The following MSH3 variants were observed in gnomAD, a reference collection of about 807,000 sequenced individuals.
MSH3 encodes DNA mismatch repair protein Msh3.
MSH3 carries 106 observed loss-of-function variants against 123.3 expected under a neutral mutation model. That is an observed-to-expected ratio of 0.86 (90% CI 0.73 to 1.01). MSH3 has a LOEUF of 1.01. MSH3 is among the 50% of genes least tolerant of loss of function. MSH3 has a pLI of 0.00. For missense variants in MSH3, 1,459 were observed against 1,347.6 expected, an observed-to-expected ratio of 1.08 and a Z score of -1.29; for synonymous variants, 515 against 481.4, an observed-to-expected ratio of 1.07 and a Z score of -0.91.
intron 8 of MSH3, among the ~76,000 whole-genome samples, chr5:80,688,424 T>C (rs1750141429): frequency 6.6e-6 from 1 of 152,244 alleles, no homozygotes; most frequent in Admixed American, 6.5e-5. Flanking sequence ...TGATTCTTTA[T>C]GCGGAGGCAT....
chr5:80,756,777 A>C (rs144379030), intron 12 of MSH3, among the ~76,000 whole-genome samples: 2 of 152,356 alleles, frequency 1.3e-5, no homozygotes, highest in African/African-American at 4.8e-5. Flanking sequence ...TTGTACAATT[A>C]GTACTTTGTA....
In MSH3 at chr5:80,761,576, G is replaced by A. The variant is rs61753791; in HGVS notation, c.1794G>A (p.Ser598=). ...TAAATGCCCGGCTTGATGCTGTATC[G>A]GAAGTTCTCCATTCAGAATCTAGTG... The part of the protein sequence containing the change: ...REINARLDAV[S]EVLHSESSVF... Residue 598 remains serine (S), a synonymous_variant, in exon 13 of 24, where the codon TCG becomes TCA. Transcript: ENST00000265081. The A allele has an allele frequency of 2.0e-3, 3,214 of 1,613,886 alleles. 5 individuals carry two copies. The highest frequency in any genetic ancestry group is 2.6e-3 in the Non-Finnish European group (3,013 of 1,179,924).
chr5:80,753,755 T>TG (rs1257966266), intron 12 of MSH3, among the ~76,000 whole-genome samples: 2 of 152,108 alleles, frequency 1.3e-5, no homozygotes, highest in Non-Finnish European at 2.9e-5. Context: ...TCTCATCACA[T>TG]AGGCAGTTAG....
chr5:80,728,997 G>A, intron 10 of MSH3, 32 bp downstream of exon 10: 1 of 1,198,076 alleles, frequency 8.3e-7, no homozygotes, highest in Admixed American at 1.7e-5. Flanking sequence ...AAAAAAAGGG[G>A]GAGCTTATAT....
intron 19 of MSH3, among the ~76,000 whole-genome samples, chr5:80,805,354 A>G (rs141551252): frequency 6.6e-6 from 1 of 152,298 alleles, no homozygotes; most frequent in African/African-American, 2.4e-5. Flanking sequence ...CCATACACTT[A>G]AGTCTTCTTA....
intron 9 of MSH3, among the ~76,000 whole-genome samples, chr5:80,726,678 A>C (rs1038480243): frequency 2.0e-5 from 3 of 152,076 alleles, no homozygotes; most frequent in African/African-American, 7.2e-5. Flanking sequence ...CATGTTGCCT[A>C]GGCTGGTCTT....
intron 15 of MSH3, among the ~76,000 whole-genome samples, chr5:80,773,191 T>G (rs1373549212): frequency 1.3e-5 from 2 of 152,224 alleles, no homozygotes; most frequent in Admixed American, 6.5e-5. Flanking sequence ...ATCAGTCTGT[T>G]CCTGAATTTT....
chr5:80,828,306 C>G (rs1465914719), intron 20 of MSH3, among the ~76,000 whole-genome samples: 5 of 152,086 alleles, frequency 3.3e-5, no homozygotes, highest in Non-Finnish European at 7.4e-5. Flanking sequence ...CTATGATAAC[C>G]CATTGATTCA....
At chr5:80,687,012 A>C (rs1750107198) in intron 8 of MSH3, among the ~76,000 whole-genome samples, 1 of 152,182 alleles carries the variant, frequency 6.6e-6, no homozygotes, top group African/African-American at 2.4e-5. Flanking sequence ...AATGGTTACT[A>C]AAATCTTCAC....
intron 16 of MSH3, among the ~76,000 whole-genome samples, chr5:80,777,814 ACCTTT>A (rs1744331515): frequency 1.3e-5 from 2 of 152,094 alleles, no homozygotes; most frequent in African/African-American, 4.8e-5. Flanking sequence ...AGACACCTTG[ACCTTT>A]TCTTCTTGAA....
Position 80,665,362 on chromosome 5 carries a change from A to G in MSH3, c.578A>G (p.Lys193Arg). The change falls in exon 3 of 24, where the codon AAG becomes AGG. Residue 193 changes from lysine (K) to arginine (R), a missense_variant and splice_region_variant. By Grantham distance (26) the Lys-to-Arg change is conservative. Transcript: ENST00000265081. The part of the protein sequence containing the change: ...SEDSKRQINQ[K>R]DTTLFDLSQF... ...GATTCGAAACGTCAAATTAATCAAA[A>G]GGTATGTAACTGCTATAGATGAGTA... The G allele has an allele frequency of 6.2e-7, 1 of 1,609,524 alleles. No individual in the cohort carries two copies. Among genetic ancestry groups the G allele is most frequent in the South Asian group, 1.1e-5 (1 of 90,774 alleles).
At chr5:80,759,132 T>C (rs573503193) in intron 12 of MSH3, among the ~76,000 whole-genome samples, 1 of 152,368 alleles carries the variant, frequency 6.6e-6, no homozygotes, top group East Asian at 1.9e-4. Flanking sequence ...AACTGTTTAT[T>C]GAGCACAAAT....
chr5:80,769,829 T>C (rs906964625), intron 15 of MSH3, among the ~76,000 whole-genome samples: 16 of 152,126 alleles, frequency 1.1e-4, no homozygotes, highest in African/African-American at 3.9e-4. Context: ...TTTTTAAACA[T>C]TTACATTGTT....
intron 19 of MSH3, among the ~76,000 whole-genome samples, chr5:80,803,912 T>G (rs1392919056): frequency 1.3e-5 from 2 of 152,220 alleles, no homozygotes; most frequent in African/African-American, 2.4e-5. Context: ...TTCATTGGTC[T>G]CTGTGTCTGT....
intron 23 of MSH3, 126 bp downstream of exon 23, chr5:80,873,413 C>T: frequency 2.2e-6 from 2 of 915,016 alleles, no homozygotes; most frequent in Middle Eastern, 3.3e-4. Flanking sequence ...TATTCTGAAC[C>T]ATTTAATTAT....
intron 9 of MSH3, among the ~76,000 whole-genome samples, chr5:80,728,176 T>C (rs1743337856): frequency 6.6e-6 from 1 of 152,130 alleles, no homozygotes; most frequent in Non-Finnish European, 1.5e-5. Flanking sequence ...TTGAGCAAAA[T>C]AGTCTAATGA....
At chr5:80,657,890 C>A (rs1248268197) in intron 2 of MSH3, among the ~76,000 whole-genome samples, 1 of 152,074 alleles carries the variant, frequency 6.6e-6, no homozygotes, top group South Asian at 2.1e-4. Context: ...GTTAATGTTA[C>A]AATTCTGGGG....
intron 12 of MSH3, among the ~76,000 whole-genome samples, chr5:80,748,715 CA>C (rs1247700152): frequency 2.0e-5 from 3 of 151,384 alleles, no homozygotes; most frequent in African/African-American, 4.9e-5. Flanking sequence ...CACACACACA[CA>C]CACACACACA....
chr5:80,684,184 A>G (rs1373180638), intron 8 of MSH3, among the ~76,000 whole-genome samples: 3 of 152,114 alleles, frequency 2.0e-5, no homozygotes, highest in African/African-American at 4.8e-5. Context: ...CGTTGCTCAT[A>G]TACATTTTAG....
Sources: allele counts gnomAD v4.1 joint callset (sites outside exome capture counted in the v4.1 genomes callset), GRCh38; gene constraint gnomAD v4.1.1; transcripts MANE v1.5; gene names NCBI Gene and HGNC (gene_info 2026-07-23, HGNC 2026-07-21).